Variants in AUH observed in about 807,000 individuals in gnomAD.
AUH encodes the protein methylglutaconyl-CoA hydratase, mitochondrial.
A neutral mutation model predicts 42.3 loss-of-function variants in AUH; 29 were observed. The ratio of observed to expected loss-of-function variants is 0.69; its 90% confidence interval spans 0.51 to 0.93. AUH has a LOEUF of 0.93. Among genes scored for constraint, AUH ranks in the 40% least tolerant of loss-of-function variants. The probability of loss-of-function intolerance (pLI) is 0.00; values close to 1 mark genes in which losing one functional copy is unlikely to be tolerated. For synonymous variants in AUH, 174 were observed against 166.4 expected (o/e 1.05, Z -0.35); for missense variants, 452 against 438.1 (o/e 1.03, Z -0.28).
intron 6 of AUH, among the ~76,000 whole-genome samples, chr9:91,264,987 T>A (rs994725533): frequency 6.6e-6 from 1 of 152,204 alleles, no homozygotes; most frequent in African/African-American, 2.4e-5. Flanking sequence ...GCTTAATACT[T>A]CTTCACACAC....
chr9:91,310,082 T>A (rs1373145793), intron 4 of AUH, among the ~76,000 whole-genome samples: 3 of 152,152 alleles, frequency 2.0e-5, no homozygotes, highest in Non-Finnish European at 4.4e-5. Context: ...CCACTAAGCA[T>A]CACTACCTTC....
At chr9:91,333,222 A>G (rs1830456531) in intron 3 of AUH, among the ~76,000 whole-genome samples, 1 of 152,216 alleles carries the variant, frequency 6.6e-6, no homozygotes, top group African/African-American at 2.4e-5. Context: ...ATTTCTCAAT[A>G]TAAAAAATGT....
At chr9:91,281,487 T>C (rs962398287) in intron 6 of AUH, among the ~76,000 whole-genome samples, 16 of 152,198 alleles carry the variant, frequency 1.1e-4, no homozygotes, top group African/African-American at 3.9e-4. Flanking sequence ...CGGTTTTTTA[T>C]TTTCCACCCA....
Position 91,263,567 on chromosome 9 carries a change from A to C in AUH, c.655+32454T>G, listed in dbSNP as rs559679572. Among the ~76,000 whole-genome samples the C allele has an allele frequency of 2.2e-4, 33 of 152,336 alleles. No homozygotes were observed. The South Asian group carries it at 6.0e-3, about 28-fold the overall frequency. On this transcript the variant is annotated intron_variant, in intron 6 of 9. Transcript: ENST00000375731. ...TATAGGTCTAGATTAGTGAAACGCCAAATTAGGAAATATTTTAAGTGTTTT... is the reference window on the plus strand; with the variant it reads ...TATAGGTCTAGATTAGTGAAACGCCCAATTAGGAAATATTTTAAGTGTTTT...
At chr9:91,308,548 T>C (rs1285046850) in intron 4 of AUH, among the ~76,000 whole-genome samples, 2 of 152,196 alleles carry the variant, frequency 1.3e-5, no homozygotes, top group African/African-American at 4.8e-5. Flanking sequence ...GTTCTACCAA[T>C]TAATCTTTCA....
rs139628387 is a variant in AUH at position 91,216,065 on chromosome 9, A to G, written c.936T>C (p.Tyr312=). Residue 312 remains tyrosine (Y), a synonymous_variant, in exon 9 of 10, where the codon TAT becomes TAC. Coordinates refer to ENST00000375731, the MANE Select transcript of AUH (RefSeq NM_001698.3). ...TTGTGATTGCATTACATACCTGAGCATAACAAGCTTCTTCTATGGCTAACC... is the reference window on the plus strand; with the variant it reads ...TTGTGATTGCATTACATACCTGAGCGTAACAAGCTTCTTCTATGGCTAACC... The part of the protein sequence containing the change: ...VTGLAIEEAC[Y]AQTIPTKDRL... 1,050 of 1,611,978 alleles carry G rather than the reference A, an allele frequency of 6.5e-4. 4 individuals are homozygous for G. Among genetic ancestry groups the G allele is most frequent in the South Asian group, 1.7e-3 (159 of 91,058 alleles).
At chr9:91,217,033 G>A (rs1826860965) in intron 8 of AUH, among the ~76,000 whole-genome samples, 1 of 152,214 alleles carries the variant, frequency 6.6e-6, no homozygotes, top group Admixed American at 6.5e-5. Flanking sequence ...TAATGAGCAT[G>A]TCATAAGCTT....
intron 1 of AUH, among the ~76,000 whole-genome samples, chr9:91,360,807 C>A (rs1832787343): frequency 6.6e-6 from 1 of 152,214 alleles, no homozygotes; most frequent in Non-Finnish European, 1.5e-5. Flanking sequence ...ATTATAGGTG[C>A]TCAACAAATG....
At chr9:91,325,234 T>G in intron 4 of AUH, 84 bp downstream of exon 4, 4 of 1,060,446 alleles carry the variant, frequency 3.8e-6, no homozygotes, top group Middle Eastern at 2.2e-4. Flanking sequence ...ATTTAACCAA[T>G]GCTTATATAT....
chr9:91,256,864 C>A (rs1829429331), intron 6 of AUH, among the ~76,000 whole-genome samples: 1 of 152,070 alleles, frequency 6.6e-6, no homozygotes, highest in African/African-American at 2.4e-5. Flanking sequence ...CAGACCCTTA[C>A]ACAGAGAGAC....
chr9:91,263,395 T>A (rs541551442), intron 6 of AUH, among the ~76,000 whole-genome samples: 1 of 152,216 alleles, frequency 6.6e-6, no homozygotes, highest in Admixed American at 6.5e-5. Context: ...GAAAAATAAT[T>A]GTTCATGTGA....
chr9:91,333,950 G>C (rs904944737), intron 3 of AUH, among the ~76,000 whole-genome samples: 12 of 152,174 alleles, frequency 7.9e-5, no homozygotes, highest in Admixed American at 5.9e-4. Context: ...TTGTGGAAGA[G>C]GCAACTATGA....
At chr9:91,256,072 A>T (rs1829389725) in intron 6 of AUH, among the ~76,000 whole-genome samples, 1 of 152,178 alleles carries the variant, frequency 6.6e-6, no homozygotes, top group South Asian at 2.1e-4. Context: ...ACAAAGATTG[A>T]TCATTTGTAA....
intron 3 of AUH, among the ~76,000 whole-genome samples, chr9:91,348,549 T>C (rs1439996559): frequency 1.3e-5 from 2 of 152,140 alleles, no homozygotes; most frequent in Non-Finnish European, 2.9e-5. Flanking sequence ...ATAAATACTA[T>C]TCTCAGCAAT....
chr9:91,303,421 C>T (rs1196405358), intron 4 of AUH, among the ~76,000 whole-genome samples: 1 of 152,134 alleles, frequency 6.6e-6, no homozygotes, highest in Non-Finnish European at 1.5e-5. Context: ...AGCTCCTCCT[C>T]CCGGGTTCAC....
chr9:91,291,970 A>T (rs1473827455), intron 6 of AUH, among the ~76,000 whole-genome samples: 1 of 151,228 alleles, frequency 6.6e-6, no homozygotes, highest in East Asian at 1.9e-4. Flanking sequence ...TTACTATAAC[A>T]TGCATATCCT....
intron 1 of AUH, among the ~76,000 whole-genome samples, chr9:91,356,928 A>G (rs1015313006): frequency 6.6e-6 from 1 of 152,226 alleles, no homozygotes; most frequent in Non-Finnish European, 1.5e-5. Context: ...ACAGTGTATC[A>G]GAAATACCTT....
At chr9:91,335,869 T>C (rs1329200938) in intron 3 of AUH, among the ~76,000 whole-genome samples, 13 of 152,346 alleles carry the variant, frequency 8.5e-5, no homozygotes, top group African/African-American at 2.6e-4. Flanking sequence ...GGTCTGATGA[T>C]AGCTGTCCTC....
At chr9:91,299,252 T>C (rs2131671380) in intron 4 of AUH, among the ~76,000 whole-genome samples, 1 of 152,076 alleles carries the variant, frequency 6.6e-6, no homozygotes, top group East Asian at 1.9e-4. Context: ...AATAAAAAGG[T>C]ACTATCCCCC....
Sources: gnomAD v4.1 joint callset for allele counts (sites outside exome capture counted in the v4.1 genomes callset) on GRCh38, gnomAD v4.1.1 for gene constraint, MANE v1.5 for transcripts, NCBI Gene and HGNC (gene_info 2026-07-23, HGNC 2026-07-21) for gene names.